The following EPHB2 variants were observed in gnomAD, a reference collection of about 807,000 sequenced individuals.
EPHB2 encodes the protein EPH receptor B2.
In EPHB2, 18 loss-of-function variants were observed where a neutral mutation model predicts 96.4. The observed-to-expected ratio is 0.19, with a 90% CI of 0.13 to 0.28. EPHB2 has a LOEUF of 0.28. Ranked by LOEUF, EPHB2 falls within the 10% of genes least tolerant of loss-of-function variation. The pLI, the probability that EPHB2 is intolerant of heterozygous loss-of-function variation, is 1.00. For synonymous variants in EPHB2, 506 were observed against 534.1 expected (o/e 0.95, Z 0.72); for missense variants, 989 against 1,355.4 (o/e 0.73, Z 4.25).
chr1:22,716,856 A>G (rs1643307316), intron 1 of EPHB2, among the ~76,000 whole-genome samples: 3 of 152,150 alleles, frequency 2.0e-5, no homozygotes, highest in Non-Finnish European at 4.4e-5. Flanking sequence ...GGTGGCGGAG[A>G]TGCAGAGCAC....
intron 3 of EPHB2, among the ~76,000 whole-genome samples, chr1:22,798,873 A>C (rs1016822567): frequency 5.3e-5 from 8 of 152,140 alleles, no homozygotes; most frequent in Non-Finnish European, 1.0e-4. Context: ...GTCCGGCCGC[A>C]GGATGGATGG....
chr1:22,762,900 C>T (rs1644254755), intron 1 of EPHB2, among the ~76,000 whole-genome samples: 1 of 152,126 alleles, frequency 6.6e-6, no homozygotes, highest in Non-Finnish European at 1.5e-5. Context: ...TGCTGGTGCC[C>T]AGTGATTCCC....
At chr1:22,807,900 G>A (rs567637444) in intron 3 of EPHB2, among the ~76,000 whole-genome samples, 63 of 152,290 alleles carry the variant, frequency 4.1e-4, no homozygotes, top group Admixed American at 1.8e-3. Flanking sequence ...TTAGGAGGCC[G>A]AGGCAGGCGG....
At chr1:22,910,090 G>C (rs1366620000) in intron 13 of EPHB2, among the ~76,000 whole-genome samples, 4 of 152,174 alleles carry the variant, frequency 2.6e-5, no homozygotes, top group African/African-American at 9.6e-5. Context: ...GGTGGAACCA[G>C]GCACAGGAGG....
chr1:22,908,443 A>G (rs1458017876), intron 12 of EPHB2, among the ~76,000 whole-genome samples: 1 of 152,192 alleles, frequency 6.6e-6, no homozygotes, highest in Non-Finnish European at 1.5e-5. Context: ...TTGATATCTG[A>G]GCTGAGAGCA....
rs762766702 is a variant in EPHB2, at chr1:22,913,618, G to C, written c.*48G>C. The C allele has an allele frequency of 6.2e-7, 1 of 1,610,142 alleles. No individual in the cohort carries two copies. Among genetic ancestry groups the C allele is most frequent in the Admixed American group, 1.7e-5 (1 of 59,376 alleles). On this transcript the variant is annotated 3_prime_UTR_variant, in exon 16 of 16. Transcript: ENST00000374630. This position sits in a 1 kb window ranked among gnomAD's most constrained non-coding sequence, Gnocchi z 4.1. ...TCTTCCTCCAAGCCCCGCCCCCTCT[G>C]CCCCACGTGCCGGCCCTCCTGGTGC...
At chr1:22,839,676 G>C (rs138483325) in intron 3 of EPHB2, among the ~76,000 whole-genome samples, 10 of 152,302 alleles carry the variant, frequency 6.6e-5, no homozygotes, top group African/African-American at 2.4e-4. Context: ...TGGGGTCCTG[G>C]ATAGGGTCCA....
intron 3 of EPHB2, among the ~76,000 whole-genome samples, chr1:22,806,375 C>A (rs563595487): frequency 7.2e-5 from 11 of 152,122 alleles, no homozygotes; most frequent in Non-Finnish European, 1.6e-4. Flanking sequence ...GTCCTTGAAC[C>A]GCAGGAATTG....
At chr1:22,766,403 C>T (rs1644308152) in intron 1 of EPHB2, among the ~76,000 whole-genome samples, 1 of 152,184 alleles carries the variant, frequency 6.6e-6, no homozygotes, top group Admixed American at 6.5e-5. Flanking sequence ...CCGCTCATCC[C>T]ACCCCACTCC....
chr1:22,898,985 G>A (rs2124044115), intron 9 of EPHB2, among the ~76,000 whole-genome samples: 1 of 152,212 alleles, frequency 6.6e-6, no homozygotes, highest in East Asian at 1.9e-4. Context: ...GCCAAGGTCG[G>A]GAGTTCAAGA....
At chr1:22,866,943 CAA>C (rs1245623426) in intron 5 of EPHB2, among the ~76,000 whole-genome samples, 1 of 152,094 alleles carries the variant, frequency 6.6e-6, no homozygotes, top group African/African-American at 2.4e-5. Context: ...TAAGTAAAAA[CAA>C]GAGAGAGGAG....
At chr1:22,849,738 T>C (rs1468563229) in intron 3 of EPHB2, among the ~76,000 whole-genome samples, 6 of 152,184 alleles carry the variant, frequency 3.9e-5, no homozygotes, top group Non-Finnish European at 8.8e-5. Flanking sequence ...GAAAATTGTA[T>C]TGAATGGTAT....
chr1:22,757,153 G>A (rs189667836), intron 1 of EPHB2, among the ~76,000 whole-genome samples: 23 of 152,210 alleles, frequency 1.5e-4, no homozygotes, highest in Non-Finnish European at 2.8e-4. Flanking sequence ...TTGTGTTTAT[G>A]GGTGATAGGG....
chr1:22,859,966 G>A (rs888554637), intron 3 of EPHB2, among the ~76,000 whole-genome samples: 2 of 152,050 alleles, frequency 1.3e-5, no homozygotes, highest in African/African-American at 2.4e-5. Context: ...ACCACGCATC[G>A]ACTTTCTGTC....
intron 3 of EPHB2, among the ~76,000 whole-genome samples, chr1:22,801,603 G>T (rs897141746): frequency 3.3e-5 from 5 of 152,098 alleles, no homozygotes; most frequent in Admixed American, 1.3e-4. Flanking sequence ...CTTAGAGGAT[G>T]CCCAGACCCC....
intron 3 of EPHB2, among the ~76,000 whole-genome samples, chr1:22,796,340 G>A (rs1477885455): frequency 6.6e-6 from 1 of 152,158 alleles, no homozygotes; most frequent in Non-Finnish European, 1.5e-5. Context: ...GCTCTTGCTG[G>A]TATCCTGGGC....
intron 3 of EPHB2, among the ~76,000 whole-genome samples, chr1:22,851,584 C>T (rs1299945487): frequency 6.6e-6 from 1 of 152,218 alleles, no homozygotes; most frequent in East Asian, 1.9e-4. Context: ...TGACCTTAGG[C>T]AAGTCCCTGT....
chr1:22,821,433 G>A (rs1368195647), intron 3 of EPHB2, among the ~76,000 whole-genome samples: 3 of 152,166 alleles, frequency 2.0e-5, no homozygotes, highest in Non-Finnish European at 4.4e-5. Context: ...AATTTACAGT[G>A]CAGTCTAGTA....
At chr1:22,726,686 T>TGCTGGGATTACAGGTGTGA (rs1278346672) in intron 1 of EPHB2, among the ~76,000 whole-genome samples, 1 of 152,204 alleles carries the variant, frequency 6.6e-6, no homozygotes, top group Non-Finnish European at 1.5e-5. Flanking sequence ...CCTCCCAAAG[T>TGCTGGGATTACAGGTGTGA]GCTGGGATTA....
Sources: gnomAD v4.1 joint callset for allele counts (sites outside exome capture counted in the v4.1 genomes callset) on GRCh38, gnomAD v4.1.1 for gene constraint, Gnocchi (gnomAD v3.1) non-coding constraint, MANE v1.5 for transcripts, NCBI Gene and HGNC (gene_info 2026-07-23, HGNC 2026-07-21) for gene names.